RAB38: variants seen among roughly 807,000 people sequenced by gnomAD.
RAB38 encodes RAB38, member RAS oncogene family, also known as ras-related protein Rab-38.
RAB38 carries 15 observed loss-of-function variants against 18.4 expected under a neutral mutation model. The observed-to-expected ratio is 0.82, with a 90% CI of 0.55 to 1.26. The LOEUF (loss-of-function observed/expected upper bound fraction) is 1.26. Among genes scored for constraint, RAB38 ranks in the 50% most tolerant of loss-of-function variants. The pLI is 0.00. For missense variants in RAB38, 294 were observed against 267.4 expected (o/e 1.10, Z -0.69); for synonymous variants, 101 against 104.4 (o/e 0.97, Z 0.20).
At chr11:88,031,718 G>T in the RAB38 span, among the ~76,000 whole-genome samples, 11 of 151,388 alleles carry the variant, frequency 7.3e-5, no homozygotes, top group East Asian at 3.9e-4. Flanking sequence ...CACTGCTCAA[G>T]GAAATAAAAG....
the RAB38 span, among the ~76,000 whole-genome samples, chr11:87,947,336 G>T: frequency 2.0e-5 from 3 of 151,876 alleles, no homozygotes; most frequent in Non-Finnish European, 2.9e-5. Flanking sequence ...CATTCTGTAG[G>T]CTGCCTGTTC....
the RAB38 span, among the ~76,000 whole-genome samples, chr11:87,835,002 C>T: frequency 1.3e-5 from 2 of 152,162 alleles, no homozygotes; most frequent in Non-Finnish European, 1.5e-5. Context: ...GCCCATTATG[C>T]AGTTTGTTCT....
chr11:87,810,004 C>G, the RAB38 span, among the ~76,000 whole-genome samples: 1 of 152,086 alleles, frequency 6.6e-6, no homozygotes, highest in African/African-American at 2.4e-5. Flanking sequence ...CTATGAATTT[C>G]ATTATCTGTC....
In RAB38 at chr11:88,146,795, T is replaced by C. The variant is rs541471001; in HGVS notation, c.483+2880A>G. Among the ~76,000 whole-genome samples, 43 of 152,336 alleles carry C rather than the reference T, an allele frequency of 2.8e-4. 1 individual carries two copies. Among genetic ancestry groups the C allele is most frequent in the African/African-American group, 9.4e-4 (39 of 41,586 alleles). ...TAGCATTAGGTATGGAAAAGAGATG[T>C]TGAACGTGCCTTCTGTATTTTACAA... On this transcript the variant is annotated intron_variant, in intron 2 of 2. Coordinates refer to ENST00000243662, the MANE Select transcript of RAB38 (RefSeq NM_022337.3).
rs548652145 is a variant in RAB38 at position 88,175,172 on chromosome 11, C to T, written c.202+11G>A. 2.5e-6 allele frequency: 4 copies of T among 1,586,418 alleles called. No individual in the cohort carries two copies. The African/African-American group carries it at 4.0e-5, about 16-fold the overall frequency. On this transcript the variant is annotated intron_variant, in intron 1 of 2. Transcript: ENST00000243662. The stretch of plus-strand genomic sequence containing the variant: ...CGCTCTATCCCCCTGACCCCCTCCC[C>T]CCGCGCTCACCTGCGATATCCCAGA...
chr11:88,158,119 A>G (rs1943147779), intron 1 of RAB38, among the ~76,000 whole-genome samples: 1 of 152,192 alleles, frequency 6.6e-6, no homozygotes, highest in African/African-American at 2.4e-5. Flanking sequence ...TCCCACAGAA[A>G]TACAAAAGAT....
chr11:87,809,689 T>TG, the RAB38 span, among the ~76,000 whole-genome samples: 11 of 24,678 alleles, frequency 4.5e-4, no homozygotes, highest in African/African-American at 1.9e-3. Flanking sequence ...TTGAAAGCTC[T>TG]GAAAAAAAAA....
At chr11:88,131,774 C>T (rs577942027) in intron 2 of RAB38, among the ~76,000 whole-genome samples, 2 of 152,312 alleles carry the variant, frequency 1.3e-5, no homozygotes, top group African/African-American at 4.8e-5. Context: ...CCATTGAGTG[C>T]AGGTGGGACC....
intron 2 of RAB38, among the ~76,000 whole-genome samples, chr11:88,139,578 G>C (rs1045478809): frequency 6.6e-6 from 1 of 152,108 alleles, no homozygotes; most frequent in Non-Finnish European, 1.5e-5. Context: ...ATATATAGTA[G>C]GTATTCAGAG....
chr11:88,081,883 G>A, the RAB38 span, among the ~76,000 whole-genome samples: 3 of 151,674 alleles, frequency 2.0e-5, no homozygotes, highest in Non-Finnish European at 4.4e-5. Flanking sequence ...CTGGTGAAGG[G>A]ATAAAAAAAG....
At chr11:87,921,021 A>G in the RAB38 span, among the ~76,000 whole-genome samples, 1 of 152,040 alleles carries the variant, frequency 6.6e-6, no homozygotes, top group Non-Finnish European at 1.5e-5. Context: ...TTCTTGATGC[A>G]TCATAACAGG....
chr11:88,134,293 T>C (rs1355644294), intron 2 of RAB38, among the ~76,000 whole-genome samples: 1 of 152,174 alleles, frequency 6.6e-6, no homozygotes, highest in African/African-American at 2.4e-5. Flanking sequence ...TAGGCTGAAG[T>C]ACAGTGGCGC....
chr11:87,908,337 C>T, the RAB38 span, among the ~76,000 whole-genome samples: 1 of 151,972 alleles, frequency 6.6e-6, no homozygotes, highest in African/African-American at 2.4e-5. Context: ...GGGGTTTGTA[C>T]TTAAGATAAT....
chr11:87,952,501 C>T, the RAB38 span, among the ~76,000 whole-genome samples: 1 of 152,208 alleles, frequency 6.6e-6, no homozygotes, highest in Non-Finnish European at 1.5e-5. Context: ...TATTGCTCCA[C>T]CTTTTTCAGA....
the RAB38 span, among the ~76,000 whole-genome samples, chr11:87,929,838 G>C: frequency 6.6e-6 from 1 of 150,990 alleles, no homozygotes; most frequent in Admixed American, 6.7e-5. Flanking sequence ...CCTTGCGATA[G>C]TTTGCTGAGA....
chr11:87,877,401 A>C, the RAB38 span, among the ~76,000 whole-genome samples: 1 of 151,468 alleles, frequency 6.6e-6, no homozygotes, highest in Non-Finnish European at 1.5e-5. Flanking sequence ...GAATAAAGGA[A>C]AATTATTTCT....
chr11:88,045,023 T>G, the RAB38 span, among the ~76,000 whole-genome samples: 2 of 152,226 alleles, frequency 1.3e-5, no homozygotes, highest in East Asian at 3.8e-4. Context: ...AGGCTAATGC[T>G]TCTGTTTCTT....
At chr11:87,919,679 ATTAG>A in the RAB38 span, among the ~76,000 whole-genome samples, 285 of 152,054 alleles carry the variant, frequency 1.9e-3, 1 homozygote, top group African/African-American at 6.6e-3. Context: ...AAAGACTGGT[ATTAG>A]TTACTTAAAT....
At chr11:88,026,562 C>CAAAAAAAAA in the RAB38 span, among the ~76,000 whole-genome samples, 1 of 54,250 alleles carries the variant, frequency 1.8e-5, no homozygotes. Flanking sequence ...GACTCTGTCA[C>CAAAAAAAAA]AAAAAAAAAA....
Sources: gnomAD v4.1 joint callset for allele counts (sites outside exome capture counted in the v4.1 genomes callset) on GRCh38, gnomAD v4.1.1 for gene constraint, MANE v1.5 for transcripts, NCBI Gene and HGNC (gene_info 2026-07-23, HGNC 2026-07-21) for gene names.